Variants in AREL1 observed in about 807,000 individuals in gnomAD.
The protein encoded by AREL1 is apoptosis resistant E3 ubiquitin protein ligase 1.
A neutral mutation model predicts 99.0 loss-of-function variants in AREL1; 62 were observed. That is an observed-to-expected ratio of 0.63 (90% CI 0.51 to 0.77). The LOEUF (loss-of-function observed/expected upper bound fraction) is 0.77, where lower values mean the gene tolerates loss of function less well. Ranked by LOEUF, AREL1 falls within the 30% of genes least tolerant of loss-of-function variation. The pLI is 0.00. For synonymous variants in AREL1, 380 were observed against 376.5 expected (o/e 1.01, Z -0.11); for missense variants, 879 against 1,027.6 (o/e 0.86, Z 1.98).
At chr14:74,667,057 ACT>A (rs1008795318) in intron 17 of AREL1, among the ~76,000 whole-genome samples, 2 of 152,028 alleles carry the variant, frequency 1.3e-5, no homozygotes, top group African/African-American at 4.8e-5. Flanking sequence ...ATTAATTATT[ACT>A]CTTCATAAAT....
intron 1 of AREL1, among the ~76,000 whole-genome samples, chr14:74,712,344 T>C (rs980232090): frequency 8.5e-5 from 13 of 152,294 alleles, no homozygotes; most frequent in African/African-American, 3.1e-4. Context: ...TTAAGTGTAT[T>C]ACAAACTGTA....
In AREL1 at chr14:74,663,333, A is replaced by C. The variant is rs1408704772; in HGVS notation, c.*387T>G. On this transcript the variant is annotated 3_prime_UTR_variant, in exon 20 of 20. Coordinates refer to ENST00000356357, the MANE Select transcript of AREL1 (RefSeq NM_001039479.2). ...AGGGCCAAAGAGGGTGTCTCCAAGG[A>C]GTATCAGCAGAGGGAGTTTTGGAGC... The C allele has an allele frequency of 7.0e-6, 2 of 286,882 alleles. No individual in the cohort carries two copies. Among genetic ancestry groups the C allele is most frequent in the Non-Finnish European group, 1.4e-5 (2 of 143,850 alleles). 17.8% of individuals were successfully genotyped at this position (286,882 alleles called of 1,614,324 possible).
At chr14:74,697,438 C>T (rs12587457) in intron 1 of AREL1, among the ~76,000 whole-genome samples, 61,186 of 151,964 alleles carry the variant, frequency 0.4, 13,743 homozygotes, top group Non-Finnish European at 0.5. Context: ...AAGGAGGTTC[C>T]AAGAATATAT....
At chr14:74,711,810 T>A (rs750336391) in intron 1 of AREL1, 2 of 151,976 alleles carry the variant, frequency 1.3e-5, no homozygotes, top group Admixed American at 6.6e-5. Flanking sequence ...CATGGCGAGT[T>A]ATAAGGCAGA....
At position 74,667,735 on chromosome 14, in the gene AREL1, T is replaced by C. The variant is rs2089240324; in HGVS notation, c.1915-141A>G. ...CAAGTTTCTGCTGTGCATTCAGCTT[T>C]TCAACACACTTGGTTTAATTTAGTT... On this transcript the variant is annotated intron_variant, in intron 15 of 19. Coordinates refer to ENST00000356357, the MANE Select transcript of AREL1 (RefSeq NM_001039479.2). 3.7e-6 allele frequency: 4 copies of C among 1,080,180 alleles called. No individual in the cohort carries two copies. In the African/African-American group the frequency reaches 6.4e-5, roughly 17 times the overall value. The allele number at this position is 1,080,180 out of a possible 1,614,324, so 66.9% of individuals were successfully genotyped here.
At chr14:74,675,418 A>G (rs1019695284) in intron 8 of AREL1, among the ~76,000 whole-genome samples, 3 of 152,236 alleles carry the variant, frequency 2.0e-5, no homozygotes, top group African/African-American at 7.2e-5. Context: ...TCCTCTGCCA[A>G]AATTTCTTTA....
At chr14:74,673,269 A>T (rs746779251) in intron 9 of AREL1, 51 bp from the exon 10 acceptor site, 2 of 1,594,352 alleles carry the variant, frequency 1.3e-6, no homozygotes, top group Non-Finnish European at 1.7e-6. Flanking sequence ...AAGGCCAGTA[A>T]AAGTCCTCCA....
At chr14:74,679,788 A>G (rs1430242419) in intron 5 of AREL1, among the ~76,000 whole-genome samples, 1 of 152,038 alleles carries the variant, frequency 6.6e-6, no homozygotes, top group East Asian at 1.9e-4. Flanking sequence ...AGATTGTGCC[A>G]TTGCACTCTA....
At chr14:74,688,248 A>G (rs1207920442) in intron 2 of AREL1, among the ~76,000 whole-genome samples, 2 of 151,786 alleles carry the variant, frequency 1.3e-5, no homozygotes, top group Non-Finnish European at 2.9e-5. Flanking sequence ...GATGGTCTCG[A>G]TCTCATGACC....
chr14:74,689,892 G>A lies in AREL1; in HGVS notation c.-46+2149C>T, dbSNP rs144844777. On this transcript the variant is annotated intron_variant, in intron 2 of 19. Coordinates refer to ENST00000356357, the MANE Select transcript of AREL1 (RefSeq NM_001039479.2). ...ATTACAGGTGTGAGCCACCATGCCC[G>A]GCCTAGCACTTTTATTCTTTTAGTC... 5.2e-3 allele frequency among the ~76,000 whole-genome samples: 791 copies of A among 151,574 alleles called. 26 individuals are homozygous for A. The highest frequency in any genetic ancestry group is 0.034 in the Admixed American group (522 of 15,238).
Position 74,663,909 on chromosome 14 carries a change from C to T in AREL1, c.2359G>A (p.Ala787Thr). ...AAPTHSTLPTAHTCFNQLCLP... is the reference protein window; with the variant it reads ...AAPTHSTLPTTHTCFNQLCLP... ...CGGGCAGATACCTACCATGTGTGTGCAGTAGGCAGCGTGCTATGGGTCGGA... is the reference window on the plus strand; with the variant it reads ...CGGGCAGATACCTACCATGTGTGTGTAGTAGGCAGCGTGCTATGGGTCGGA... The change falls in exon 19 of 20, where the codon GCA (alanine) becomes ACA (threonine). Residue 787 changes from alanine (A) to threonine (T), a missense_variant. Physicochemically the swap from Ala to Thr is moderately conservative, Grantham distance 58. Coordinates refer to ENST00000356357, the MANE Select transcript of AREL1 (RefSeq NM_001039479.2). 6.2e-7 allele frequency: 1 copy of T among 1,614,158 alleles called. No individual in the cohort carries two copies. The highest frequency in any genetic ancestry group is 8.5e-7 in the Non-Finnish European group (1 of 1,180,020).
At position 74,670,879 on chromosome 14, in the gene AREL1, G is replaced by A. The variant is rs763273036; in HGVS notation, c.1499-8C>T. On this transcript the variant is annotated splice_region_variant and splice_polypyrimidine_tract_variant and intron_variant, in intron 12 of 19. Transcript: ENST00000356357. ...GCCCTCCCCAGTCCAGAGCTGAAAA[G>A]CATAATGAAAATAAAAAATGACTCT... The A allele has an allele frequency of 1.9e-6, 3 of 1,612,628 alleles. No homozygotes were observed. The highest frequency in any genetic ancestry group is 2.2e-5 in the South Asian group (2 of 90,924).
chr14:74,664,790 T>G (rs2089175236), intron 18 of AREL1, 46 bp downstream of exon 18: 1 of 1,572,368 alleles, frequency 6.4e-7, no homozygotes, highest in Non-Finnish European at 8.7e-7. Context: ...AACTTTTTCC[T>G]TATAACATGG....
chr14:74,687,980 C>A (rs190561529), intron 2 of AREL1, among the ~76,000 whole-genome samples: 106 of 147,320 alleles, frequency 7.2e-4, no homozygotes, highest in African/African-American at 2.3e-3. Context: ...GTTAAAAACT[C>A]ATCCTAAAAT....
rs774671450 is a variant in AREL1 at position 74,676,605 on chromosome 14, T to C, written c.629A>G (p.Asn210Ser). 4.3e-6 allele frequency: 7 copies of C among 1,613,730 alleles called. No individual in the cohort carries two copies. Among genetic ancestry groups the C allele is most frequent in the South Asian group, 1.1e-5 (1 of 91,024 alleles). ...NNSMSLRDEH[N>S]YTLSIHELGP... is the part of the protein sequence containing the mutation. ...TACCTCATGAATGGACAAGGTGTAA[T>C]TGTGCTCATCTCTCAAGGACATGGA... Residue 210 changes from asparagine to serine, a missense_variant, in exon 6 of 20, where the codon AAT becomes AGT. By Grantham distance (46) the Asn-to-Ser change is conservative. Coordinates refer to ENST00000356357, the MANE Select transcript of AREL1 (RefSeq NM_001039479.2).
intron 1 of AREL1, among the ~76,000 whole-genome samples, chr14:74,710,271 C>T (rs1201898130): frequency 1.3e-5 from 2 of 152,102 alleles, no homozygotes; most frequent in Admixed American, 6.5e-5. Flanking sequence ...CATGGTGTTC[C>T]TACACTAATT....
chr14:74,703,052 A>G (rs1158764254), intron 1 of AREL1, among the ~76,000 whole-genome samples: 1 of 152,168 alleles, frequency 6.6e-6, no homozygotes, highest in Non-Finnish European at 1.5e-5. Flanking sequence ...TCTGCCTGTT[A>G]CCCAGTTCCA....
At chr14:74,666,017 A>T (rs2089202333) in intron 17 of AREL1, among the ~76,000 whole-genome samples, 1 of 152,204 alleles carries the variant, frequency 6.6e-6, no homozygotes, top group East Asian at 1.9e-4. Flanking sequence ...CAGCCCAAAA[A>T]ATAACAGTGC....
intron 5 of AREL1, among the ~76,000 whole-genome samples, chr14:74,680,195 A>G (rs1477295463): frequency 6.6e-6 from 1 of 151,944 alleles, no homozygotes; most frequent in Non-Finnish European, 1.5e-5. Context: ...GAAAAAAAGA[A>G]AGAAAGAAAA....
Sources: gnomAD v4.1 joint callset for allele counts (sites outside exome capture counted in the v4.1 genomes callset) on GRCh38, gnomAD v4.1.1 for gene constraint, MANE v1.5 for transcripts, NCBI Gene and HGNC (gene_info 2026-07-23, HGNC 2026-07-21) for gene names.